DPYD: variants seen among roughly 807,000 people sequenced by gnomAD.
The protein encoded by DPYD is dihydropyrimidine dehydrogenase.
In DPYD, 109 loss-of-function variants were observed where a neutral mutation model predicts 116.2. The ratio of observed to expected loss-of-function variants is 0.94; its 90% CI spans 0.80 to 1.10. DPYD has a LOEUF of 1.10. Ranked by LOEUF, DPYD falls within the 50% of genes least tolerant of loss-of-function variation. The probability of loss-of-function intolerance (pLI) is 0.00; values close to 1 mark genes in which losing one functional copy is unlikely to be tolerated. For synonymous variants in DPYD, 440 were observed against 432.0 expected, an observed-to-expected ratio of 1.02 and a Z score of -0.23; for missense variants, 1,302 against 1,254.5, an observed-to-expected ratio of 1.04 and a Z score of -0.57.
At chr1:97,139,475 T>C (rs1021998651) in intron 20 of DPYD, among the ~76,000 whole-genome samples, 5 of 151,942 alleles carry the variant, frequency 3.3e-5, no homozygotes, top group African/African-American at 9.7e-5. Flanking sequence ...CAAAAGAAAA[T>C]GAAACAGTAT....
At chr1:97,471,720 G>T (rs2101853728) in intron 13 of DPYD, among the ~76,000 whole-genome samples, 1 of 152,066 alleles carries the variant, frequency 6.6e-6, no homozygotes, top group Non-Finnish European at 1.5e-5. Flanking sequence ...TCCCGAGGTA[G>T]CTGGGATTAC....
intron 2 of DPYD, among the ~76,000 whole-genome samples, chr1:97,881,940 C>T (rs1022221043): frequency 4.6e-5 from 7 of 151,502 alleles, no homozygotes; most frequent in Non-Finnish European, 7.4e-5. Flanking sequence ...CACACCAGCA[C>T]ATGGCACATG....
At chr1:97,431,450 C>A in intron 14 of DPYD, among the ~76,000 whole-genome samples, 1 of 152,110 alleles carries the variant, frequency 6.6e-6, no homozygotes, top group East Asian at 1.9e-4. Flanking sequence ...TCTATCTTAT[C>A]TCTTTATAAC....
At chr1:97,237,028 C>T (rs772556511) in intron 18 of DPYD, among the ~76,000 whole-genome samples, 9 of 151,580 alleles carry the variant, frequency 5.9e-5, no homozygotes, top group Admixed American at 2.6e-4. Flanking sequence ...ACCAGCCTGG[C>T]CAACAGTTTG....
At chr1:97,763,366 G>GT (rs34267648) in intron 3 of DPYD, among the ~76,000 whole-genome samples, 20 of 150,968 alleles carry the variant, frequency 1.3e-4, no homozygotes, top group East Asian at 1.9e-4. Context: ...TGCAACCAAT[G>GT]TTTTTTTTTA....
chr1:97,519,054 A>G (rs1477586297), intron 12 of DPYD, among the ~76,000 whole-genome samples: 3 of 152,152 alleles, frequency 2.0e-5, no homozygotes, highest in African/African-American at 7.2e-5. Context: ...ATTTTTGCTT[A>G]TTATAATTTT....
chr1:97,499,159 T>C (rs1317474154), intron 13 of DPYD, among the ~76,000 whole-genome samples: 1 of 151,718 alleles, frequency 6.6e-6, no homozygotes, highest in African/African-American at 2.4e-5. Flanking sequence ...ATAAACAATT[T>C]CTGTTTATTT....
intron 20 of DPYD, among the ~76,000 whole-genome samples, chr1:97,174,217 A>G (rs1209864436): frequency 6.6e-6 from 1 of 152,140 alleles, no homozygotes; most frequent in African/African-American, 2.4e-5. Flanking sequence ...CTGTTCTGGA[A>G]GCTTTGGCCT....
At chr1:97,796,291 A>T (rs1021128041) in intron 3 of DPYD, among the ~76,000 whole-genome samples, 3 of 152,204 alleles carry the variant, frequency 2.0e-5, no homozygotes, top group East Asian at 3.9e-4. Flanking sequence ...TGTCCTAAGC[A>T]ACACAGCTAA....
At chr1:97,581,305 C>T (rs1039943772) in intron 10 of DPYD, among the ~76,000 whole-genome samples, 32 of 114,668 alleles carry the variant, frequency 2.8e-4, no homozygotes, top group Non-Finnish European at 4.4e-4. Context: ...CCAGCCTGGG[C>T]GACAGAGCGA....
intron 13 of DPYD, among the ~76,000 whole-genome samples, chr1:97,495,466 G>C (rs1011766324): frequency 1.3e-5 from 2 of 152,028 alleles, no homozygotes; most frequent in African/African-American, 4.8e-5. Flanking sequence ...TTATTCATGT[G>C]AACTCAATGT....
intron 18 of DPYD, among the ~76,000 whole-genome samples, chr1:97,272,482 T>C (rs1055732572): frequency 1.3e-5 from 2 of 152,158 alleles, no homozygotes; most frequent in African/African-American, 4.8e-5. Flanking sequence ...TGTCTGTATT[T>C]AAAGTACAGA....
intron 4 of DPYD, among the ~76,000 whole-genome samples, chr1:97,731,952 A>G (rs1183579304): frequency 2.0e-5 from 3 of 152,122 alleles, no homozygotes; most frequent in Non-Finnish European, 4.4e-5. Context: ...ATTTGTCTAT[A>G]CTATACACAA....
At chr1:97,584,183 C>T (rs1261959668) in intron 10 of DPYD, among the ~76,000 whole-genome samples, 2 of 152,148 alleles carry the variant, frequency 1.3e-5, no homozygotes, top group Non-Finnish European at 2.9e-5. Context: ...AGCATTTTTT[C>T]ATGTGTTTTT....
intron 12 of DPYD, chr1:97,545,776 T>C (rs1650799484): frequency 7.1e-6 from 11 of 1,557,764 alleles, no homozygotes; most frequent in Non-Finnish European, 8.8e-6. Context: ...CCTAGAAAAC[T>C]GCATGAAGCT....
intron 14 of DPYD, among the ~76,000 whole-genome samples, chr1:97,386,423 T>C (rs1390630130): frequency 7.2e-5 from 11 of 152,172 alleles, no homozygotes; most frequent in African/African-American, 2.6e-4. Context: ...CAGGAGAAAG[T>C]AGACAAACAC....
At chr1:97,083,390 C>G (rs1649300694) in intron 21 of DPYD, among the ~76,000 whole-genome samples, 1 of 151,936 alleles carries the variant, frequency 6.6e-6, no homozygotes, top group Non-Finnish European at 1.5e-5. Context: ...ATTGCATTTT[C>G]TGCTATTTTT....
At chr1:97,548,516 C>A (rs949483032) in intron 12 of DPYD, among the ~76,000 whole-genome samples, 4 of 152,198 alleles carry the variant, frequency 2.6e-5, no homozygotes, top group Admixed American at 2.0e-4. Flanking sequence ...GTGGGCGGAT[C>A]ACTTGAGGCC....
At chr1:97,767,762 T>C (rs1665944425) in intron 3 of DPYD, among the ~76,000 whole-genome samples, 1 of 150,624 alleles carries the variant, frequency 6.6e-6, no homozygotes, top group Non-Finnish European at 1.5e-5. Context: ...TGGCTTTTTT[T>C]TTTTTTTTTT....
Sources: gnomAD v4.1 joint callset for allele counts (sites outside exome capture counted in the v4.1 genomes callset) on GRCh38, gnomAD v4.1.1 for gene constraint, MANE v1.5 for transcripts, NCBI Gene and HGNC (gene_info 2026-07-23, HGNC 2026-07-21) for gene names.